SNX14: variants seen among roughly 807,000 people sequenced by gnomAD.
The protein encoded by SNX14 is sorting nexin 14.
Under a neutral mutation model 133.8 loss-of-function variants are expected in SNX14, and 93 were observed. The observed-to-expected ratio is 0.70, with a 90% CI of 0.59 to 0.83. The LOEUF (loss-of-function observed/expected upper bound fraction) is 0.83. SNX14 is among the 40% of genes least tolerant of loss of function. The pLI is 0.00. For synonymous variants in SNX14, 368 were observed against 365.6 expected (o/e 1.01, Z -0.07); for missense variants, 945 against 1,094.9 (o/e 0.86, Z 1.93).
At chr6:85,549,240 T>C (rs1257367708) in intron 8 of SNX14, among the ~76,000 whole-genome samples, 2 of 151,996 alleles carry the variant, frequency 1.3e-5, no homozygotes, top group Non-Finnish European at 2.9e-5. Flanking sequence ...GTTATTAGGG[T>C]AAGAGTAACA....
At chr6:85,527,034 G>A (rs147315824) in intron 20 of SNX14, among the ~76,000 whole-genome samples, 256 of 151,978 alleles carry the variant, frequency 1.7e-3, no homozygotes, top group African/African-American at 5.8e-3. Context: ...GTGCCGTTGC[G>A]CTCCAGCCTA....
At chr6:85,550,597 CAAGT>C (rs891584323) in intron 7 of SNX14, among the ~76,000 whole-genome samples, 11 of 152,060 alleles carry the variant, frequency 7.2e-5, no homozygotes, top group Non-Finnish European at 1.6e-4. Flanking sequence ...CTCCTTGGCT[CAAGT>C]GATCCTCCGA....
intron 21 of SNX14, among the ~76,000 whole-genome samples, chr6:85,520,399 C>T (rs1776488724): frequency 1.3e-5 from 2 of 150,882 alleles, no homozygotes; most frequent in African/African-American, 4.9e-5. Flanking sequence ...GCTCTGTTGC[C>T]CAGGCTGGAG....
At chr6:85,568,196 C>T (rs1441080243) in intron 4 of SNX14, 1 of 152,086 alleles carries the variant, frequency 6.6e-6, no homozygotes, top group African/African-American at 2.4e-5. Flanking sequence ...TAAATTGTTC[C>T]TGACTCTGAA....
chr6:85,566,558 C>G (rs914125360), intron 5 of SNX14, among the ~76,000 whole-genome samples: 3 of 151,946 alleles, frequency 2.0e-5, no homozygotes, highest in African/African-American at 7.2e-5. Flanking sequence ...ATTAGCCAAG[C>G]ATTGTGGTGC....
intron 5 of SNX14, 92 bp from the exon 6 acceptor site, chr6:85,565,511 T>A: frequency 1.3e-6 from 1 of 752,674 alleles, no homozygotes; most frequent in Non-Finnish European, 2.2e-6. Context: ...TTTTTCTGTT[T>A]ACTTAAGCTA....
chr6:85,522,199 A>G (rs113230278), intron 21 of SNX14, among the ~76,000 whole-genome samples: 1 of 152,188 alleles, frequency 6.6e-6, no homozygotes. Context: ...CTCCTTCCCC[A>G]TTCTGCAGAG....
Position 85,517,847 on chromosome 6 carries a change from A to G in SNX14, c.2177T>C (p.Met726Thr), listed in dbSNP as rs761988164. The change falls in exon 23 of 29, where the codon ATG (methionine) becomes ACG (threonine). Residue 726 changes from methionine (M) to threonine (T), a missense_variant. Met to Thr is a moderately conservative substitution (Grantham distance 81). Transcript: ENST00000314673. The part of the protein sequence containing the change: ...EKGQHLEPFI[M>T]NFINSCESPK... ...AGACTCACAAGAATTAATGAAATTCATGATAAAAGGTTCCAAATGCTGACC... is the reference window on the plus strand; with the variant it reads ...AGACTCACAAGAATTAATGAAATTCGTGATAAAAGGTTCCAAATGCTGACC... 3.1e-6 allele frequency: 5 copies of G among 1,609,210 alleles called. No individual in the cohort carries two copies. Among genetic ancestry groups the G allele is most frequent in the Non-Finnish European group, 4.2e-6 (5 of 1,178,766 alleles).
chr6:85,530,111 A>T lies in SNX14; in HGVS notation c.1894+81T>A, dbSNP rs1227973579. On this transcript the variant is annotated intron_variant, in intron 19 of 28. Transcript: ENST00000314673. ...ATTTCTTGTATTTCAATTACTTAAA[A>T]TAAAAAAATTAATCTGGTGTCATAG... 8.8e-6 allele frequency: 7 copies of T among 797,576 alleles called. No individual in the cohort carries two copies. In the Admixed American group the frequency reaches 1.8e-4, roughly 21 times the overall value. The allele number at this position is 797,576 out of a possible 1,614,324, so 49.4% of individuals were successfully genotyped here. A position where few individuals can be genotyped will look rare whatever the true frequency, so the allele number is the denominator to read the frequency against.
intron 1 of SNX14, among the ~76,000 whole-genome samples, chr6:85,592,840 A>C (rs1189173299): frequency 1.3e-5 from 2 of 151,300 alleles, no homozygotes; most frequent in African/African-American, 4.9e-5. Flanking sequence ...AAAAAAAAAA[A>C]AAATACAAAA....
intron 4 of SNX14, among the ~76,000 whole-genome samples, chr6:85,571,768 T>C (rs1241168153): frequency 2.0e-5 from 3 of 152,208 alleles, no homozygotes; most frequent in Non-Finnish European, 4.4e-5. Flanking sequence ...CTTCAGTTAG[T>C]GTCAAAACTG....
At chr6:85,527,258 G>A (rs1309785515) in intron 20 of SNX14, among the ~76,000 whole-genome samples, 2 of 151,982 alleles carry the variant, frequency 1.3e-5, no homozygotes, top group Admixed American at 6.6e-5. Flanking sequence ...TAATTAGCTG[G>A]TTCAAATAAT....
intron 1 of SNX14, among the ~76,000 whole-genome samples, chr6:85,587,282 C>G (rs755090466): frequency 1.3e-5 from 2 of 151,986 alleles, no homozygotes; most frequent in Non-Finnish European, 2.9e-5. Context: ...TTTACACTCT[C>G]TTATGTATGC....
intron 6 of SNX14, among the ~76,000 whole-genome samples, chr6:85,558,586 T>C (rs1190959605): frequency 2.6e-5 from 4 of 152,002 alleles, no homozygotes; most frequent in African/African-American, 7.3e-5. Flanking sequence ...CTCAGCCTCC[T>C]GGGTAGCTGG....
intron 21 of SNX14, among the ~76,000 whole-genome samples, chr6:85,518,371 A>G (rs890331359): frequency 2.0e-5 from 3 of 152,204 alleles, no homozygotes; most frequent in Non-Finnish European, 2.9e-5. Flanking sequence ...GAAAATTTCT[A>G]TAAGAAATAT....
chr6:85,541,995 T>C lies in SNX14; in HGVS notation c.1438A>G (p.Lys480Glu). 1 of 1,595,364 alleles carries C rather than the reference T, an allele frequency of 6.3e-7. No individual in the cohort carries two copies. Among genetic ancestry groups the C allele is most frequent in the South Asian group, 1.2e-5 (1 of 86,898 alleles). The change falls in exon 15 of 29, where the codon AAA becomes GAA. Residue 480 changes from lysine to glutamate, a missense_variant. Coordinates refer to ENST00000314673, the MANE Select transcript of SNX14 (RefSeq NM_153816.6). ...RGAESPTRNS[K>E]LNRGSLSLDD... is the part of the protein sequence containing the mutation. ...AAACATACAACCTACCTGTTCAATT[T>C]TGAATTGCGTGTTGGTGATTCTGCA...
rs1788472322 is a variant in SNX14, at chr6:85,553,356, T to G, written c.635-3477A>C. Among the ~76,000 whole-genome samples the G allele has an allele frequency of 2.6e-5, 4 of 152,364 alleles. No individual in the cohort carries two copies. The South Asian group carries it at 8.3e-4, about 32-fold the overall frequency. On this transcript the variant is annotated intron_variant, in intron 7 of 28. Transcript: ENST00000314673. Reference sequence around the variant, plus strand: ...ATTAGAATTTGGGGCATGGGTCTTTTAGAAATTTCTATCGTGAGCATAAAA... The same window carrying G: ...ATTAGAATTTGGGGCATGGGTCTTTGAGAAATTTCTATCGTGAGCATAAAA...
At chr6:85,555,718 G>A (rs559456092) in intron 7 of SNX14, among the ~76,000 whole-genome samples, 7 of 152,222 alleles carry the variant, frequency 4.6e-5, no homozygotes, top group African/African-American at 9.6e-5. Context: ...GGCCAGGCAC[G>A]GTGGCTCATG....
Position 85,549,872 on chromosome 6 carries a change from A to G in SNX14, c.642T>C (p.Asn214=). 8 of 1,601,486 alleles carry G rather than the reference A, an allele frequency of 5.0e-6. No individual in the cohort carries two copies. The highest frequency in any genetic ancestry group is 6.8e-6 in the Non-Finnish European group (8 of 1,175,470). ...VIVKARQKVK[N]TEFLQQAALE... Reference sequence around the variant, plus strand: ...AAGCAGCTTGCTGTAAAAACTCTGTATTTTTTACTATAGAGATTAAAGATA... The same window carrying G: ...AAGCAGCTTGCTGTAAAAACTCTGTGTTTTTTACTATAGAGATTAAAGATA... Residue 214 remains asparagine (N), a synonymous_variant, in exon 8 of 29, where the codon AAT becomes AAC. Coordinates refer to ENST00000314673, the MANE Select transcript of SNX14 (RefSeq NM_153816.6).
Sources: gnomAD v4.1 joint callset for allele counts (sites outside exome capture counted in the v4.1 genomes callset) on GRCh38, gnomAD v4.1.1 for gene constraint, MANE v1.5 for transcripts, NCBI Gene and HGNC (gene_info 2026-07-23, HGNC 2026-07-21) for gene names.